LRP1B: variants seen among roughly 807,000 people sequenced by gnomAD.
LRP1B encodes low-density lipoprotein receptor-related protein 1B.
In LRP1B, 217 loss-of-function variants were observed where a neutral mutation model predicts 556.6. The observed-to-expected ratio is 0.39, with a 90% confidence interval of 0.35 to 0.44. The LOEUF is 0.44. Ranked by LOEUF, LRP1B falls within the 20% of genes least tolerant of loss-of-function variation. LRP1B has a pLI of 1.00. For synonymous variants in LRP1B, 2,047 were observed against 1,865.8 expected (o/e 1.10, Z -2.50); for missense variants, 5,053 against 5,620.8 (o/e 0.90, Z 3.23).
At chr2:141,374,379 C>T (rs918707353) in intron 3 of LRP1B, among the ~76,000 whole-genome samples, 40 of 152,108 alleles carry the variant, frequency 2.6e-4, no homozygotes, top group African/African-American at 9.2e-4. Context: ...AATGTCTTTG[C>T]CTGGGGGTCA....
At chr2:141,571,468 G>GAA (rs200890462) in intron 2 of LRP1B, among the ~76,000 whole-genome samples, 1 of 138,026 alleles carries the variant, frequency 7.2e-6, no homozygotes, top group African/African-American at 2.5e-5. Flanking sequence ...ACAAAGATAA[G>GAA]AAAAAAAAAT....
rs950166946 is a variant in LRP1B, at chr2:141,515,312, A to C, written c.206-34779T>G. 4.4e-3 allele frequency among the ~76,000 whole-genome samples: 672 copies of C among 152,106 alleles called. 3 individuals carry two copies. The highest frequency in any genetic ancestry group is 7.5e-3 in the Non-Finnish European group (509 of 67,988). On this transcript the variant is annotated intron_variant, in intron 2 of 90. Coordinates refer to ENST00000389484, the MANE Select transcript of LRP1B (RefSeq NM_018557.3). ...AGTGGAACTCCGTCAAAAGAAAAAA[A>C]AAAAAGAAGTATCCCATGTCCCATG...
chr2:141,976,732 G>A (rs1266351401), intron 1 of LRP1B, among the ~76,000 whole-genome samples: 2 of 152,096 alleles, frequency 1.3e-5, no homozygotes, highest in Non-Finnish European at 2.9e-5. Context: ...TGAATTGAGG[G>A]CAATCTAGGT....
intron 32 of LRP1B, among the ~76,000 whole-genome samples, chr2:140,806,016 C>T (rs1690701466): frequency 6.6e-6 from 1 of 151,948 alleles, no homozygotes; most frequent in African/African-American, 2.4e-5. Context: ...GGGTAAAGAC[C>T]TCATGAATGA....
At chr2:141,183,640 C>T (rs562051314) in intron 7 of LRP1B, among the ~76,000 whole-genome samples, 1 of 152,124 alleles carries the variant, frequency 6.6e-6, no homozygotes, top group South Asian at 2.1e-4. Flanking sequence ...CTGCTATTCA[C>T]TGTCTGCAAG....
intron 7 of LRP1B, among the ~76,000 whole-genome samples, chr2:141,182,226 A>G (rs1681031777): frequency 6.6e-6 from 1 of 152,084 alleles, no homozygotes; most frequent in Non-Finnish European, 1.5e-5. Flanking sequence ...TAGATATTTA[A>G]TAGGCTCTAG....
At chr2:140,283,319 A>T (rs1682994550) in intron 84 of LRP1B, among the ~76,000 whole-genome samples, 1 of 151,784 alleles carries the variant, frequency 6.6e-6, no homozygotes, top group Non-Finnish European at 1.5e-5. Context: ...TGCTAAATAT[A>T]CCTTCCAAAG....
intron 3 of LRP1B, among the ~76,000 whole-genome samples, chr2:141,307,529 A>G (rs894600463): frequency 6.6e-6 from 1 of 152,174 alleles, no homozygotes; most frequent in South Asian, 2.1e-4. Context: ...TATAGGCAGC[A>G]TAAAGTTGAG....
chr2:141,777,485 G>T (rs922422261), intron 2 of LRP1B, among the ~76,000 whole-genome samples: 1 of 151,740 alleles, frequency 6.6e-6, no homozygotes, highest in Admixed American at 6.6e-5. Context: ...GCGCAGTCTC[G>T]GCTCACTGCA....
intron 1 of LRP1B, among the ~76,000 whole-genome samples, chr2:142,024,177 G>A (rs372581072): frequency 2.6e-5 from 4 of 152,198 alleles, no homozygotes; most frequent in Non-Finnish European, 4.4e-5. Context: ...CTCAGTGTAC[G>A]AGGAAGTAAT....
intron 21 of LRP1B, among the ~76,000 whole-genome samples, chr2:140,922,517 A>G (rs1220644008): frequency 6.6e-6 from 1 of 151,896 alleles, no homozygotes; most frequent in African/African-American, 2.4e-5. Context: ...TTTCTAAGTC[A>G]TCTTCATTTA....
chr2:141,379,809 T>C (rs1349891785), intron 3 of LRP1B, among the ~76,000 whole-genome samples: 1 of 151,896 alleles, frequency 6.6e-6, no homozygotes, highest in Non-Finnish European at 1.5e-5. Flanking sequence ...CCACAGCTTT[T>C]CCCCCTAGGC....
At chr2:140,600,197 A>G (rs1416755102) in intron 42 of LRP1B, among the ~76,000 whole-genome samples, 1 of 152,136 alleles carries the variant, frequency 6.6e-6, no homozygotes, top group East Asian at 1.9e-4. Context: ...AAACTGACTT[A>G]CAAATTCCTT....
At chr2:141,853,296 C>T (rs1697927709) in intron 1 of LRP1B, among the ~76,000 whole-genome samples, 1 of 151,184 alleles carries the variant, frequency 6.6e-6, no homozygotes, top group African/African-American at 2.4e-5. Flanking sequence ...TAAAAAGCTG[C>T]CCACCATCAC....
intron 1 of LRP1B, among the ~76,000 whole-genome samples, chr2:141,907,299 C>T (rs1435599): frequency 0.86 from 130,872 of 151,900 alleles, 56,568 homozygotes; most frequent in East Asian, 1. Flanking sequence ...GGTGATGGCA[C>T]TGCTTTTCAA....
intron 3 of LRP1B, among the ~76,000 whole-genome samples, chr2:141,294,713 C>G (rs1229804716): frequency 6.8e-6 from 1 of 146,674 alleles, no homozygotes; most frequent in East Asian, 2.0e-4. Context: ...GCATGCCAGC[C>G]TGGTTGACAG....
intron 1 of LRP1B, among the ~76,000 whole-genome samples, chr2:141,850,514 A>G (rs1311945154): frequency 1.3e-5 from 2 of 150,936 alleles, no homozygotes; most frequent in East Asian, 3.9e-4. Flanking sequence ...TAGATAATAT[A>G]CTCTAGGATC....
intron 6 of LRP1B, among the ~76,000 whole-genome samples, chr2:141,217,142 G>A (rs866435341): frequency 6.6e-6 from 1 of 152,128 alleles, no homozygotes; most frequent in Non-Finnish European, 1.5e-5. Context: ...CAACGTTGGA[G>A]GTGGGTCCTA....
At chr2:140,397,057 C>G (rs1386149538) in intron 66 of LRP1B, among the ~76,000 whole-genome samples, 1 of 152,074 alleles carries the variant, frequency 6.6e-6, no homozygotes, top group Non-Finnish European at 1.5e-5. Flanking sequence ...TACCAGATTC[C>G]CCATCTGAGA....
Sources: gnomAD v4.1 joint callset for allele counts (sites outside exome capture counted in the v4.1 genomes callset) on GRCh38, gnomAD v4.1.1 for gene constraint, MANE v1.5 for transcripts, NCBI Gene and HGNC (gene_info 2026-07-23, HGNC 2026-07-21) for gene names.